Variants in NCAPG observed in about 807,000 individuals in gnomAD.
The protein encoded by NCAPG is non-SMC condensin I complex subunit G.
Under a neutral mutation model 113.1 loss-of-function variants are expected in NCAPG, and 69 were observed. The observed-to-expected ratio is 0.61, with a 90% CI of 0.50 to 0.75. NCAPG has a LOEUF of 0.75. Among genes scored for constraint, NCAPG ranks in the 30% least tolerant of loss-of-function variants. The pLI is 0.00. For synonymous variants in NCAPG, 370 were observed against 415.8 expected (o/e 0.89, Z 1.34); for missense variants, 1,058 against 1,177.0 (o/e 0.90, Z 1.48).
At chr4:17,837,604 A>C (rs765092284) in intron 15 of NCAPG, 23 bp from the exon 16 acceptor site, 1 of 1,594,010 alleles carries the variant, frequency 6.3e-7, no homozygotes, top group East Asian at 2.2e-5. Context: ...CTGCCAACAT[A>C]CTTTGAATTT....
chr4:17,813,320 A>G (rs1158167501), intron 3 of NCAPG, 175 bp downstream of exon 3: 3 of 473,044 alleles, frequency 6.3e-6, no homozygotes, highest in Non-Finnish European at 3.7e-6. Context: ...AAAAGTCAGT[A>G]CTTGCATCCT....
rs748241009 is a variant in NCAPG at position 17,823,002 on chromosome 4, G to A, written c.1138G>A (p.Val380Ile). 1.3e-5 allele frequency: 21 copies of A among 1,604,538 alleles called. No homozygotes were observed. In the Admixed American group the frequency reaches 1.9e-4, roughly 15 times the overall value. The change falls in exon 8 of 21, where the codon GTT becomes ATT. Residue 380 changes from valine (V) to isoleucine (I), a missense_variant. Physicochemically the swap from Val to Ile is conservative, Grantham distance 29 (BLOSUM62 3). Coordinates refer to ENST00000251496, the MANE Select transcript of NCAPG (RefSeq NM_022346.5). ...TTTTAGTTACATCCAGAGCATTCCAGTTGTTAATGAAGAACACAGAGGTGA... is the reference window on the plus strand; with the variant it reads ...TTTTAGTTACATCCAGAGCATTCCAATTGTTAATGAAGAACACAGAGGTGA... ...YLLSYIQSIP[V>I]VNEEHRGDFS...
At chr4:17,818,233 T>C in intron 7 of NCAPG, 145 bp downstream of exon 7, 1 of 729,690 alleles carries the variant, frequency 1.4e-6, no homozygotes, top group Non-Finnish European at 2.1e-6. Flanking sequence ...ATACATCGAG[T>C]CTTTTTGAAT....
At position 17,844,273 on chromosome 4, in the gene NCAPG, C is replaced by T. The variant is rs1044877138; in HGVS notation, c.*848C>T. ...TGAAATTGACACTTGGCCTGACTTA[C>T]GAAACTTGTACTATATGAAATTGGT... On this transcript the variant is annotated 3_prime_UTR_variant, in exon 21 of 21. Transcript: ENST00000251496. 3.3e-5 allele frequency: 5 copies of T among 152,308 alleles called. No homozygotes were observed. The highest frequency in any genetic ancestry group is 4.8e-5 in the African/African-American group (2 of 41,428). The allele number at this position is 152,308 out of a possible 1,614,324, so 9.4% of individuals were successfully genotyped here.
chr4:17,814,887 A>G lies in NCAPG; in HGVS notation c.579A>G (p.Pro193=), dbSNP rs769038826. The change falls in exon 4 of 21, where the codon CCA becomes CCG. Residue 193 remains proline, a synonymous_variant. Transcript: ENST00000251496. ...CTTTGATTGAAAATGATTCAAATCC[A>G]GAAGTTAGACGGGCAGTGTTATCAT... is the stretch of plus-strand genomic sequence containing the variant. The part of the protein sequence containing the change: ...YATLIENDSN[P]EVRRAVLSCI... The G allele has an allele frequency of 1.7e-5, 28 of 1,614,106 alleles. No individual in the cohort carries two copies. The South Asian group carries it at 2.3e-4, about 13-fold the overall frequency.
chr4:17,812,114 A>T, intron 1 of NCAPG, 107 bp from the exon 2 acceptor site: 2 of 815,238 alleles, frequency 2.5e-6, no homozygotes, highest in Non-Finnish European at 3.9e-6. Flanking sequence ...TAAATATTTT[A>T]ATTTGTCTGC....
intron 16 of NCAPG, among the ~76,000 whole-genome samples, chr4:17,839,066 C>CTT (rs1476447807): frequency 3.3e-5 from 5 of 152,128 alleles, no homozygotes; most frequent in Admixed American, 2.6e-4. Flanking sequence ...CAGGAAAACT[C>CTT]TAAGTATGTG....
chr4:17,811,130 A>G lies in NCAPG; in HGVS notation c.53A>G (p.Gln18Arg). 1 of 1,521,470 alleles carries G rather than the reference A, an allele frequency of 6.6e-7. No homozygotes were observed. The highest frequency in any genetic ancestry group is 8.8e-7 in the Non-Finnish European group (1 of 1,134,686). 94.2% of individuals were successfully genotyped at this position (1,521,470 alleles called of 1,614,324 possible). Residue 18 changes from glutamine to arginine, a missense_variant, in exon 1 of 21, where the codon CAG (glutamine) becomes CGG (arginine). Transcript: ENST00000251496. The surrounding 1 kb of genome is among the most constrained non-coding windows in gnomAD (Gnocchi z 5.3). Reference sequence around the variant, plus strand: ...ATTAAGGAGGCCTTTCGGCTGGCGCAGCAGCCGCACCAGAACCAGGCGAAG... The same window carrying G: ...ATTAAGGAGGCCTTTCGGCTGGCGCGGCAGCCGCACCAGAACCAGGCGAAG... ...LSIKEAFRLA[Q>R]QPHQNQAKLV...
chr4:17,841,225 A>T (rs541936114), intron 19 of NCAPG: 7 of 152,114 alleles, frequency 4.6e-5, no homozygotes, highest in Admixed American at 3.3e-4. Context: ...TTATTTCCTC[A>T]TTACAAAAGC....
chr4:17,839,953 TTTC>T (rs1722278349), intron 17 of NCAPG, 115 bp from the exon 18 acceptor site: 2 of 1,444,528 alleles, frequency 1.4e-6, no homozygotes, highest in South Asian at 1.4e-5. Context: ...TTTGAAGTAT[TTTC>T]TTCATAAATT....
chr4:17,823,232 G>T, intron 8 of NCAPG, 109 bp downstream of exon 8: 2 of 1,058,394 alleles, frequency 1.9e-6, no homozygotes, highest in South Asian at 3.2e-5. Flanking sequence ...TCTCTAAAGT[G>T]GTATAAAAAG....
intron 1 of NCAPG, 97 bp from the exon 2 acceptor site, chr4:17,812,124 C>A: frequency 1.2e-6 from 1 of 863,740 alleles, no homozygotes; most frequent in Non-Finnish European, 1.8e-6. Flanking sequence ...AATTTGTCTG[C>A]ATTATTATGG....
Position 17,834,439 on chromosome 4 carries a change from T to C in NCAPG, c.2025T>C (p.Asp675=). 1 of 1,611,570 alleles carries C rather than the reference T, an allele frequency of 6.2e-7. No individual in the cohort carries two copies. The highest frequency in any genetic ancestry group is 8.5e-7 in the Non-Finnish European group (1 of 1,178,730). Residue 675 remains aspartate, a synonymous_variant, in exon 14 of 21, where the codon GAT becomes GAC. Transcript: ENST00000251496. The stretch of plus-strand genomic sequence containing the variant: ...GTGAAGGTACAGAAATAAACAGTGA[T>C]GATGAGCAAGAATCAAAAGAAGTTG... ...LHCEGTEINS[D]DEQESKEVEE...
chr4:17,831,117 G>A lies in NCAPG; in HGVS notation c.1884+1G>A. On this transcript the variant is annotated splice_donor_variant, in intron 13 of 20. Transcript: ENST00000251496. LOFTEE classifies it high-confidence loss of function. ...GAAACACTTCGTATTACTATTGCAG[G>A]TAGGATTTATCTTGTGATAAATCTC... The A allele has an allele frequency of 2.5e-6, 4 of 1,612,032 alleles. No homozygotes were observed. Among genetic ancestry groups the A allele is most frequent in the East Asian group, 2.2e-5 (1 of 44,806 alleles).
At chr4:17,816,580 G>C (rs1721221336) in intron 5 of NCAPG, among the ~76,000 whole-genome samples, 1 of 152,172 alleles carries the variant, frequency 6.6e-6, no homozygotes, top group African/African-American at 2.4e-5. Context: ...CTAAGACTAA[G>C]GTTTGTTCAG....
intron 2 of NCAPG, 48 bp downstream of exon 2, chr4:17,812,472 C>A: frequency 6.7e-7 from 1 of 1,481,664 alleles, no homozygotes; most frequent in Non-Finnish European, 9.4e-7. Flanking sequence ...AAAATTTTGC[C>A]ACTTTAAAAG....
At chr4:17,822,844 G>A (rs1721512623) in intron 7 of NCAPG, 139 bp from the exon 8 acceptor site, 1 of 537,202 alleles carries the variant, frequency 1.9e-6, no homozygotes, top group East Asian at 3.5e-5. Flanking sequence ...AATTGAGTTT[G>A]TAGACCAAAT....
intron 14 of NCAPG, among the ~76,000 whole-genome samples, chr4:17,835,748 A>T (rs1019230992): frequency 2.6e-5 from 4 of 152,178 alleles, no homozygotes; most frequent in Non-Finnish European, 4.4e-5. Flanking sequence ...TTAGCTTTTT[A>T]AATTTAGCAT....
rs557243595 is a variant in NCAPG at position 17,811,691 on chromosome 4, A to G, written c.111+503A>G. Among the ~76,000 whole-genome samples the G allele has an allele frequency of 3.2e-4, 49 of 152,288 alleles. No homozygotes were observed. In the South Asian group the frequency reaches 9.7e-3, roughly 30 times the overall value. On this transcript the variant is annotated intron_variant, in intron 1 of 20. Coordinates refer to ENST00000251496, the MANE Select transcript of NCAPG (RefSeq NM_022346.5). The surrounding 1 kb of genome is among the most constrained non-coding windows in gnomAD (Gnocchi z 5.3). Reference sequence around the variant, plus strand: ...TTATTTTTAGGGCCTGGCCATTCTTATTTATGTACATACTATTTGTTTGTT... The same window carrying G: ...TTATTTTTAGGGCCTGGCCATTCTTGTTTATGTACATACTATTTGTTTGTT...
Sources: gnomAD v4.1 joint callset for allele counts (sites outside exome capture counted in the v4.1 genomes callset) on GRCh38, gnomAD v4.1.1 for gene constraint, Gnocchi (gnomAD v3.1) non-coding constraint, MANE v1.5 for transcripts, NCBI Gene and HGNC (gene_info 2026-07-23, HGNC 2026-07-21) for gene names.